Variants in SHANK1 observed in about 807,000 individuals in gnomAD.
SHANK1 encodes the protein SH3 and multiple ankyrin repeat domains protein 1.
In SHANK1, 35 loss-of-function variants were observed where a neutral mutation model predicts 165.6. The observed-to-expected ratio is 0.21, with a 90% CI of 0.16 to 0.28. The LOEUF is 0.28. Ranked by LOEUF, SHANK1 falls within the 10% of genes least tolerant of loss-of-function variation. The pLI is 1.00. For missense variants in SHANK1, 2,681 were observed against 3,036.4 expected (o/e 0.88, Z 2.75); for synonymous variants, 1,428 against 1,384.8 (o/e 1.03, Z -0.69).
Position 50,698,249 on chromosome 19 carries a change from A to G in SHANK1, c.1748-293T>C, listed in dbSNP as rs1194648471. ...CAATTGGTCCTTGTCTCCCCTGGTA[A>G]CTGGTCACAGCTCAGTTGTGTAATT... On this transcript the variant is annotated intron_variant, in intron 12 of 23. Coordinates refer to ENST00000293441, the MANE Select transcript of SHANK1 (RefSeq NM_016148.5). Among the ~76,000 whole-genome samples the G allele has an allele frequency of 3.3e-5, 5 of 152,236 alleles. No individual in the cohort carries two copies. The South Asian group carries it at 8.3e-4, about 25-fold the overall frequency.
At chr19:50,675,258 G>A (rs577802386) in intron 21 of SHANK1, among the ~76,000 whole-genome samples, 1 of 152,184 alleles carries the variant, frequency 6.6e-6, no homozygotes. Context: ...CAACCAAAAA[G>A]ACAAGTGTAA....
At chr19:50,696,640 C>T (rs1222904803) in intron 15 of SHANK1, among the ~76,000 whole-genome samples, 1 of 152,086 alleles carries the variant, frequency 6.6e-6, no homozygotes, top group East Asian at 1.9e-4. Flanking sequence ...TTCCCTCCCC[C>T]AACATCCCAG....
Position 50,702,704 on chromosome 19 carries a change from G to C in SHANK1, c.1554-44C>G, listed in dbSNP as rs972849414. 7.3e-7 allele frequency: 1 copy of C among 1,363,230 alleles called. No homozygotes were observed. The highest frequency in any genetic ancestry group is 1.5e-5 in the African/African-American group (1 of 68,816). The allele number at this position is 1,363,230 out of a possible 1,614,324, so 84.4% of individuals were successfully genotyped here. On this transcript the variant is annotated intron_variant, in intron 11 of 23. Coordinates refer to ENST00000293441, the MANE Select transcript of SHANK1 (RefSeq NM_016148.5). This position sits in a 1 kb window ranked among gnomAD's most constrained non-coding sequence, Gnocchi z 5.3. The stretch of plus-strand genomic sequence containing the variant: ...TGAGAGGAGGGGAGGGTGGAGGGAG[G>C]GGACACCTCTGGGAGGACAGGGGTC...
At chr19:50,671,671 C>A (rs1985798823) in intron 22 of SHANK1, among the ~76,000 whole-genome samples, 2 of 151,944 alleles carry the variant, frequency 1.3e-5, no homozygotes, top group South Asian at 4.2e-4. Flanking sequence ...ATGTGGGGAG[C>A]GCTTGGTAAA....
At position 50,717,305 on chromosome 19, in the gene SHANK1, G is replaced by A. The variant is rs888954658; in HGVS notation, c.-43-343C>T. Among the ~76,000 whole-genome samples the A allele has an allele frequency of 6.6e-6, 1 of 152,234 alleles. No homozygotes were observed. Among genetic ancestry groups the A allele is most frequent in the African/African-American group, 2.4e-5 (1 of 41,466 alleles). On this transcript the variant is annotated intron_variant, in intron 1 of 23. Coordinates refer to ENST00000293441, the MANE Select transcript of SHANK1 (RefSeq NM_016148.5). This position sits in a 1 kb window ranked among gnomAD's most constrained non-coding sequence, Gnocchi z 5.5. ...CGGGAGCTACTGGCCCACTTTGCCAGGCCACAGAAAATGCAGCTAAAATTA... is the reference window on the plus strand; with the variant it reads ...CGGGAGCTACTGGCCCACTTTGCCAAGCCACAGAAAATGCAGCTAAAATTA...
Position 50,702,220 on chromosome 19 carries a change from G to A in SHANK1, c.1747+247C>T, listed in dbSNP as rs1424096061. On this transcript the variant is annotated intron_variant, in intron 12 of 23. Transcript: ENST00000293441. This position sits in a 1 kb window ranked among gnomAD's most constrained non-coding sequence, Gnocchi z 5.3. ...TGAGACGATTTGGTGAGAAGTTCCAGCCATGCCCTGCACACGGCATCAGTG... is the reference window on the plus strand; with the variant it reads ...TGAGACGATTTGGTGAGAAGTTCCAACCATGCCCTGCACACGGCATCAGTG... Among the ~76,000 whole-genome samples the A allele has an allele frequency of 6.6e-6, 1 of 152,128 alleles. No homozygotes were observed. The highest frequency in any genetic ancestry group is 1.5e-5 in the Non-Finnish European group (1 of 68,024).
Position 50,703,665 on chromosome 19 carries a change from C to A in SHANK1, c.1388G>T (p.Gly463Val). ...CTGGCCCTGGGACCCTGAGGTAGGG[C>A]CAGGGGCCCCAGAGGACGCGGCCCC... ...APGAASSGAP[G>V]PTSGSQGQSQ... The change falls in exon 11 of 24, where the codon GGC (glycine) becomes GTC (valine). Residue 463 changes from glycine (G) to valine (V), a missense_variant. Gly to Val is a moderately radical substitution (Grantham distance 109). This residue lies in a region of SHANK1 where 195 missense variants were observed against 186.2 expected (regional missense o/e 1.05). Coordinates refer to ENST00000293441, the MANE Select transcript of SHANK1 (RefSeq NM_016148.5). 6.7e-7 allele frequency: 1 copy of A among 1,493,722 alleles called. No individual in the cohort carries two copies. The highest frequency in any genetic ancestry group is 8.9e-7 in the Non-Finnish European group (1 of 1,122,826). The allele number at this position is 1,493,722 out of a possible 1,614,324, so 92.5% of individuals were successfully genotyped here. A position where few individuals can be genotyped will look rare whatever the true frequency, so the allele number is the denominator to read the frequency against.
Position 50,668,643 on chromosome 19 carries a change from C to A in SHANK1, c.3317G>T (p.Arg1106Leu). ...MYVPARSGRG[R>L]KGPLVKQTKV... ...GGTCTGCTTGACCAGCGGGCCCTTG[C>A]GGCCGCGGCCCGAGCGGGCGGGCAC... The change falls in exon 23 of 24, where the codon CGC (arginine) becomes CTC (leucine). Residue 1106 changes from arginine to leucine, a missense_variant. Physicochemically the swap from Arg to Leu is moderately radical, Grantham distance 102. Coordinates refer to ENST00000293441, the MANE Select transcript of SHANK1 (RefSeq NM_016148.5). 3 of 1,363,488 alleles carry A rather than the reference C, an allele frequency of 2.2e-6. No individual in the cohort carries two copies. The highest frequency in any genetic ancestry group is 1.8e-5 in the South Asian group (1 of 56,534). 84.5% of individuals were successfully genotyped at this position (1,363,488 alleles called of 1,614,324 possible).
rs1985222395 is a variant in SHANK1 at position 50,661,533 on chromosome 19, A to G, written c.*432T>C. ...AAGGGGGGAGAGCTGAGGGGCCTGG[A>G]GAGAGTGGGAAGGGTTGTTAGAGGG... On this transcript the variant is annotated 3_prime_UTR_variant, in exon 24 of 24. Transcript: ENST00000293441. Among the ~76,000 whole-genome samples the G allele has an allele frequency of 6.6e-6, 1 of 151,086 alleles. No homozygotes were observed. The highest frequency in any genetic ancestry group is 2.4e-5 in the African/African-American group (1 of 40,994).
At chr19:50,663,774 CCTCTT>C (rs1227997347) in intron 23 of SHANK1, among the ~76,000 whole-genome samples, 2 of 149,532 alleles carry the variant, frequency 1.3e-5, no homozygotes. Context: ...AAAAAAAAAT[CCTCTT>C]CTCTAACCAG....
At position 50,667,817 on chromosome 19, in the gene SHANK1, T is replaced by G; in HGVS notation, c.4143A>C (p.Pro1381=). The part of the protein sequence containing the change: ...GGAPQPPPRP[P]SPRYEAPPPT... ...GCGGCGGGGCCTCGTAGCGGGGCGA[T>G]GGGGGCCTGGGAGGCGGCTGGGGGG... is the stretch of plus-strand genomic sequence containing the variant. Residue 1381 remains proline (P), a synonymous_variant, in exon 23 of 24, where the codon CCA becomes CCC. Transcript: ENST00000293441. This position sits in a 1 kb window ranked among gnomAD's most constrained non-coding sequence, Gnocchi z 5.7. 1 of 1,288,750 alleles carries G rather than the reference T, an allele frequency of 7.8e-7. No homozygotes were observed. Among genetic ancestry groups the G allele is most frequent in the Non-Finnish European group, 9.8e-7 (1 of 1,022,802 alleles). 79.8% of individuals were successfully genotyped at this position (1,288,750 alleles called of 1,614,324 possible).
Position 50,689,295 on chromosome 19 carries a change from G to C in SHANK1, c.1965-16C>G. 4 of 1,390,666 alleles carry C rather than the reference G, an allele frequency of 2.9e-6. No homozygotes were observed. Among genetic ancestry groups the C allele is most frequent in the Non-Finnish European group, 4.1e-6 (4 of 977,682 alleles). The allele number at this position is 1,390,666 out of a possible 1,614,324, so 86.1% of individuals were successfully genotyped here. The stretch of plus-strand genomic sequence containing the variant: ...GATGTAATCGCTGGCAGGGAGGCAG[G>C]AGAAATGGGGGGGTGGTGGGGGGAG... On this transcript the variant is annotated splice_polypyrimidine_tract_variant and intron_variant, in intron 15 of 23. Transcript: ENST00000293441.
intron 4 of SHANK1, among the ~76,000 whole-genome samples, chr19:50,714,690 C>CAAAA (rs67938945): frequency 9.7e-6 from 1 of 103,074 alleles, no homozygotes; most frequent in South Asian, 3.5e-4. Flanking sequence ...GACCCCGTCT[C>CAAAA]AAAAAAAAAA....
Position 50,667,153 on chromosome 19 carries a change from G to A in SHANK1, c.4807C>T (p.Pro1603Ser). 8 of 1,551,686 alleles carry A rather than the reference G, an allele frequency of 5.2e-6. No individual in the cohort carries two copies. Among genetic ancestry groups the A allele is most frequent in the Non-Finnish European group, 6.9e-6 (8 of 1,153,106 alleles). ...GCCACAGCCGGGGGTGGCACAGGGG[G>A]TAACGGGGTGGCAGGGGCAGGTGTG... ...PDTPAPATPL[P>S]PVPPPAVAAA... The change falls in exon 23 of 24, where the codon CCC becomes TCC. Residue 1603 changes from proline (P) to serine (S), a missense_variant. Transcript: ENST00000293441. The surrounding 1 kb of genome is among the most constrained non-coding windows in gnomAD (Gnocchi z 5.7).
chr19:50,711,159 C>G (rs1405604439), intron 8 of SHANK1: 1 of 566,382 alleles, frequency 1.8e-6, no homozygotes, highest in Non-Finnish European at 3.2e-6. Flanking sequence ...AGGCCTGATA[C>G]AGAGGAGCTC....
At position 50,668,387 on chromosome 19, in the gene SHANK1, G is replaced by C. The variant is rs750211822; in HGVS notation, c.3573C>G (p.Gly1191=). The change falls in exon 23 of 24, where the codon GGC becomes GGG. Residue 1191 remains glycine, a synonymous_variant. Transcript: ENST00000293441. Reference sequence around the variant, plus strand: ...GGCTGGGCGAGGAGCCGCCGCCGCCGCCGCCTCCCGTGGGCTCCGGCTGGG... The same window carrying C: ...GGCTGGGCGAGGAGCCGCCGCCGCCCCCGCCTCCCGTGGGCTCCGGCTGGG... ...PPTQPEPTGG[G]GGGGSSPSPA... 8.4e-6 allele frequency: 11 copies of C among 1,303,134 alleles called. No homozygotes were observed. The Admixed American group carries it at 3.6e-4, about 42-fold the overall frequency. 80.7% of individuals were successfully genotyped at this position (1,303,134 alleles called of 1,614,324 possible).
Position 50,688,828 on chromosome 19 carries a change from G to A in SHANK1, c.2172+16C>T, listed in dbSNP as rs1245444966. 8.7e-6 allele frequency: 14 copies of A among 1,604,640 alleles called. No homozygotes were observed. Among genetic ancestry groups the A allele is most frequent in the African/African-American group, 1.3e-5 (1 of 74,696 alleles). On this transcript the variant is annotated intron_variant, in intron 17 of 23. Coordinates refer to ENST00000293441, the MANE Select transcript of SHANK1 (RefSeq NM_016148.5). This position sits in a 1 kb window ranked among gnomAD's most constrained non-coding sequence, Gnocchi z 6.7. ...TTGTCACAGGGTCCCAGGGAAGAGA[G>A]GGGGCCTGGACTGACCTCGATGAGG...
intron 21 of SHANK1, among the ~76,000 whole-genome samples, chr19:50,678,467 G>T (rs892814382): frequency 6.6e-6 from 1 of 151,676 alleles, no homozygotes; most frequent in African/African-American, 2.4e-5. Context: ...ACAGGTGAGG[G>T]TGAAGGTGAT....
In SHANK1 at chr19:50,716,195, T is replaced by G; in HGVS notation, c.459+80A>C. On this transcript the variant is annotated intron_variant, in intron 3 of 23. Transcript: ENST00000293441. This position sits in a 1 kb window ranked among gnomAD's most constrained non-coding sequence, Gnocchi z 8.4. ...GGTGCCCCCTCGTTAAGGTTTCGAG[T>G]GTGTTAAAAAGTGGGTGGGGGGCAG... 7.5e-7 allele frequency: 1 copy of G among 1,334,500 alleles called. No individual in the cohort carries two copies. Among genetic ancestry groups the G allele is most frequent in the Non-Finnish European group, 1.1e-6 (1 of 935,530 alleles). The allele number at this position is 1,334,500 out of a possible 1,614,324, so 82.7% of individuals were successfully genotyped here. A position where few individuals can be genotyped will look rare whatever the true frequency, so the allele number is the denominator to read the frequency against.
Sources: allele counts gnomAD v4.1 joint callset (sites outside exome capture counted in the v4.1 genomes callset), GRCh38; gene constraint gnomAD v4.1.1; regional missense constraint gnomAD v4.1.1; non-coding constraint Gnocchi (gnomAD v3.1); transcripts MANE v1.5; gene names NCBI Gene and HGNC (gene_info 2026-07-23, HGNC 2026-07-21).